DUOX2: variants seen among roughly 807,000 people sequenced by gnomAD.
DUOX2 encodes NADH/NADPH thyroid oxidase p138-tox.
A neutral mutation model predicts 183.3 loss-of-function variants in DUOX2; 185 were observed. The ratio of observed to expected loss-of-function variants is 1.01; its 90% CI spans 0.90 to 1.14. The LOEUF (loss-of-function observed/expected upper bound fraction) is 1.14. Ranked by LOEUF, DUOX2 falls within the 50% of genes most tolerant of loss-of-function variation. DUOX2 has a pLI of 0.00. For missense variants in DUOX2, 1,999 were observed against 2,022.9 expected (o/e 0.99, Z 0.23); for synonymous variants, 788 against 812.4 (o/e 0.97, Z 0.51).
chr15:45,112,862 G>T, intron 3 of DUOX2, 125 bp downstream of exon 3: 1 of 1,533,116 alleles, frequency 6.5e-7, no homozygotes, highest in Non-Finnish European at 9.0e-7. Context: ...GAGCGCATAA[G>T]ATTGCGCTGT....
rs753779362 is a variant in DUOX2 at position 45,109,974 on chromosome 15, G to T, written c.1047C>A (p.Ala349=). ...TCAGGACCTTCCGGAAATGACAGCT[G>T]GCATTTCTGAAATTGAGAACAAAGG... ...MVPPGVYMRN[A]SCHFRKVLNK... The change falls in exon 10 of 34, where the codon GCC becomes GCA. Residue 349 remains alanine (A), a synonymous_variant. Transcript: ENST00000389039. 1 of 1,614,042 alleles carries T rather than the reference G, an allele frequency of 6.2e-7. No homozygotes were observed. The highest frequency in any genetic ancestry group is 2.2e-5 in the East Asian group (1 of 44,880).
rs192880210 is a variant in DUOX2 at position 45,106,561 on chromosome 15, C to T, written c.1912G>A (p.Val638Met). The stretch of plus-strand genomic sequence containing the variant: ...CCATCTTTGGCTGCTTCCTTCTTCA[C>T]GCTCTCTTTGAGTTTCTTTTGTAGC... ...KKLQKKLKES[V>M]KKEAAKDGVP... is the part of the protein sequence containing the mutation. Residue 638 changes from valine (V) to methionine (M), a missense_variant, in exon 16 of 34, where the codon GTG (valine) becomes ATG (methionine). Coordinates refer to ENST00000389039, the MANE Select transcript of DUOX2 (RefSeq NM_001363711.2). 3.1e-5 allele frequency: 50 copies of T among 1,614,216 alleles called. No individual in the cohort carries two copies. Among genetic ancestry groups the T allele is most frequent in the East Asian group, 1.1e-4 (5 of 44,892 alleles).
chr15:45,106,226 G>C lies in DUOX2; in HGVS notation c.2047C>G (p.Arg683Gly), dbSNP rs1447369302. 1.2e-6 allele frequency: 2 copies of C among 1,614,032 alleles called. No homozygotes were observed. The highest frequency in any genetic ancestry group is 8.5e-7 in the Non-Finnish European group (1 of 1,180,020). The change falls in exon 17 of 34, where the codon CGT becomes GGT. Residue 683 changes from arginine (R) to glycine (G), a missense_variant. Arg to Gly is a moderately radical substitution (Grantham distance 125, BLOSUM62 -2). Transcript: ENST00000389039. ...QVLNRHLTVL[R>G]VVQLQPLQQV... ...TGCAGAGGCTGCAGCTGGACCACAC[G>C]GAGCACAGTGAGATGCCTGTTCAGG...
At position 45,106,964 on chromosome 15, in the gene DUOX2, G is replaced by T; in HGVS notation, c.1699C>A (p.Pro567Thr). 6.3e-7 allele frequency: 1 copy of T among 1,575,218 alleles called. No individual in the cohort carries two copies. The highest frequency in any genetic ancestry group is 8.6e-7 in the Non-Finnish European group (1 of 1,160,220). The change falls in exon 15 of 34, where the codon CCC (proline) becomes ACC (threonine). Residue 567 changes from proline to threonine, a missense_variant. Coordinates refer to ENST00000389039, the MANE Select transcript of DUOX2 (RefSeq NM_001363711.2). ...GTGAGCTGCTTAGGTTGAGGGCAGGGTGCACCTGAGGGAGAGGGCAGGGAA... is the reference window on the plus strand; with the variant it reads ...GTGAGCTGCTTAGGTTGAGGGCAGGTTGCACCTGAGGGAGAGGGCAGGGAA... Reference protein sequence around the residue: ...PNVFVWHKGAPCPQPKQLTTD... With the variant: ...PNVFVWHKGATCPQPKQLTTD...
Position 45,094,245 on chromosome 15 carries a change from CG to C in DUOX2, c.4551del (p.Cys1517TrpfsTer6). The C allele has an allele frequency of 6.2e-7, 1 of 1,614,074 alleles. No homozygotes were observed. The highest frequency in any genetic ancestry group is 8.5e-7 in the Non-Finnish European group (1 of 1,180,010). ...PQVRKIGVFS[C>X]GPPGMTKNVE... Reference sequence around the variant, plus strand: ...ACATTCTTGGTCATTCCTGGAGGGCCGCAGCTGAACACCCCGATCTTGCGCA... The same window carrying C: ...ACATTCTTGGTCATTCCTGGAGGGCCCAGCTGAACACCCCGATCTTGCGCA... On this transcript the variant is annotated frameshift_variant, in exon 34 of 34. Coordinates refer to ENST00000389039, the MANE Select transcript of DUOX2 (RefSeq NM_001363711.2). LOFTEE classifies it high-confidence loss of function.
chr15:45,099,118 C>T, intron 26 of DUOX2: 1 of 385,198 alleles, frequency 2.6e-6, no homozygotes, highest in Non-Finnish European at 5.0e-6. Context: ...TCATGCCATT[C>T]TCCTGCCTCA....
Position 45,109,547 on chromosome 15 carries a change from T to C in DUOX2, c.1211A>G (p.Asn404Ser). 1.2e-6 allele frequency: 2 copies of C among 1,614,118 alleles called. No individual in the cohort carries two copies. The highest frequency in any genetic ancestry group is 1.7e-6 in the Non-Finnish European group (2 of 1,180,020). Residue 404 changes from asparagine to serine, a missense_variant, in exon 11 of 34, where the codon AAC (asparagine) becomes AGC (serine). Asn to Ser is a conservative substitution (Grantham distance 46). This residue lies in a region of DUOX2 where 1,628 missense variants were observed against 1,608.6 expected (regional missense o/e 1.01). Transcript: ENST00000389039. ...MASQISELED[N>S]IVVEDLRDYW... ...ACCCCTCAGATCTTCAACCACTATG[T>C]TGTCCTCCAACTCCGAAATCTGGGA...
chr15:45,106,563 C>G lies in DUOX2; in HGVS notation c.1910G>C (p.Ser637Thr), dbSNP rs756840156. The G allele has an allele frequency of 6.2e-7, 1 of 1,614,236 alleles. No individual in the cohort carries two copies. The highest frequency in any genetic ancestry group is 1.7e-5 in the Admixed American group (1 of 60,024). Residue 637 changes from serine to threonine, a missense_variant, in exon 16 of 34, where the codon AGC becomes ACC. Physicochemically the swap from Ser to Thr is moderately conservative, Grantham distance 58. Around this residue, in one of 3 missense-constraint regions of DUOX2, gnomAD observed 1,628 missense variants for 1,608.6 expected, o/e 1.01. Transcript: ENST00000389039. ...HKKLQKKLKE[S>T]VKKEAAKDGV... Reference sequence around the variant, plus strand: ...ATCTTTGGCTGCTTCCTTCTTCACGCTCTCTTTGAGTTTCTTTTGTAGCTT... The same window carrying G: ...ATCTTTGGCTGCTTCCTTCTTCACGGTCTCTTTGAGTTTCTTTTGTAGCTT...
intron 21 of DUOX2, 85 bp from the exon 22 acceptor site, chr15:45,101,359 G>A (rs1476798335): frequency 3.5e-5 from 41 of 1,182,084 alleles, no homozygotes; most frequent in Non-Finnish European, 5.0e-5. Context: ...TCCCTTCTGG[G>A]AAAGTCATGT....
intron 33 of DUOX2, 49 bp from the exon 34 acceptor site, chr15:45,094,321 A>G (rs1395569440): frequency 1.2e-6 from 2 of 1,613,074 alleles, no homozygotes; most frequent in Non-Finnish European, 1.7e-6. Flanking sequence ...AAAGGTGCTC[A>G]CTCTCCTTGG....
At chr15:45,110,241 G>A (rs1894343958) in intron 9 of DUOX2, among the ~76,000 whole-genome samples, 187 bp downstream of exon 9, 1 of 152,142 alleles carries the variant, frequency 6.6e-6, no homozygotes, top group African/African-American at 2.4e-5. Flanking sequence ...TCAGCCCTTA[G>A]GAGAGCTGGA....
rs373873476 is a variant in DUOX2, at chr15:45,108,092, C to G, written c.1529G>C (p.Arg510Pro). 6.2e-7 allele frequency: 1 copy of G among 1,614,066 alleles called. No individual in the cohort carries two copies. Among genetic ancestry groups the G allele is most frequent in the Non-Finnish European group, 8.5e-7 (1 of 1,179,992 alleles). ...FSAIVLDQFVRLRDGDRYWFE... is the reference protein window; with the variant it reads ...FSAIVLDQFVPLRDGDRYWFE... ...CCAGTAGCGGTCACCATCCCGCAGCCGTACAAACTGGTCGAGGACAATGGC... is the reference window on the plus strand; with the variant it reads ...CCAGTAGCGGTCACCATCCCGCAGCGGTACAAACTGGTCGAGGACAATGGC... Residue 510 changes from arginine to proline, a missense_variant, in exon 13 of 34, where the codon CGG (arginine) becomes CCG (proline). By Grantham distance (103) the Arg-to-Pro change is moderately radical (BLOSUM62 -2). Around this residue, in one of 3 missense-constraint regions of DUOX2, gnomAD observed 1,628 missense variants for 1,608.6 expected, o/e 1.01. Coordinates refer to ENST00000389039, the MANE Select transcript of DUOX2 (RefSeq NM_001363711.2).
chr15:45,101,531 T>G (rs1256220433), intron 21 of DUOX2: 3 of 626,160 alleles, frequency 4.8e-6, no homozygotes, highest in Non-Finnish European at 8.4e-6. Context: ...CCTCTTCCTC[T>G]GGCCAGATAC....
intron 9 of DUOX2, 134 bp from the exon 10 acceptor site, chr15:45,110,114 G>T: frequency 1.2e-6 from 1 of 848,280 alleles, no homozygotes; most frequent in Non-Finnish European, 2.0e-6. Flanking sequence ...ACACGGCAGA[G>T]ATTTGGTGAT....
chr15:45,111,620 AGGC>A (rs1285271743), intron 5 of DUOX2, 35 bp from the exon 6 acceptor site: 2 of 1,492,724 alleles, frequency 1.3e-6, no homozygotes, highest in Non-Finnish European at 1.8e-6. Flanking sequence ...CCGGGTCGAG[AGGC>A]GGCGGCGGGC....
chr15:45,104,483 G>T, intron 18 of DUOX2, 118 bp from the exon 19 acceptor site: 2 of 1,348,144 alleles, frequency 1.5e-6, no homozygotes, highest in South Asian at 1.3e-5. Flanking sequence ...AAACTCTGAT[G>T]GTTCTCCTGA....
chr15:45,107,977 T>A (rs2141153442), intron 13 of DUOX2, 70 bp downstream of exon 13: 2 of 1,596,082 alleles, frequency 1.3e-6, no homozygotes, highest in Non-Finnish European at 1.7e-6. Flanking sequence ...AGGGGCTGTC[T>A]AAGGCTAGAC....
chr15:45,101,468 C>A, intron 21 of DUOX2, 194 bp from the exon 22 acceptor site: 1 of 662,230 alleles, frequency 1.5e-6, no homozygotes, highest in Non-Finnish European at 2.7e-6. Context: ...AGAAAGGGGA[C>A]ATCCTCTTAG....
At chr15:45,098,522 G>A (rs1203843706) in intron 26 of DUOX2, among the ~76,000 whole-genome samples, 1 of 152,218 alleles carries the variant, frequency 6.6e-6, no homozygotes, top group East Asian at 1.9e-4. Flanking sequence ...AGAAGGCAGA[G>A]ATGGCAAGCT....
Sources: gnomAD v4.1 joint callset for allele counts (sites outside exome capture counted in the v4.1 genomes callset) on GRCh38, gnomAD v4.1.1 for gene constraint, gnomAD v4.1.1 regional missense constraint, MANE v1.5 for transcripts, NCBI Gene and HGNC (gene_info 2026-07-23, HGNC 2026-07-21) for gene names.